Variants in CYFIP1 observed in about 807,000 individuals in gnomAD.
CYFIP1 encodes the protein cytoplasmic FMR1-interacting protein 1.
CYFIP1 carries 58 observed loss-of-function variants against 163.5 expected under a neutral mutation model. The ratio of observed to expected loss-of-function variants is 0.35; its 90% CI spans 0.29 to 0.44. The LOEUF (loss-of-function observed/expected upper bound fraction) is 0.44, where lower values mean the gene tolerates loss of function less well. CYFIP1 is among the 20% of genes least tolerant of loss of function. The pLI, the probability that CYFIP1 is intolerant of heterozygous loss-of-function variation, is 1.00. For synonymous variants in CYFIP1, 663 were observed against 660.7 expected, an observed-to-expected ratio of 1.00 and a Z score of -0.05; for missense variants, 1,338 against 1,653.8, an observed-to-expected ratio of 0.81 and a Z score of 3.31.
At chr15:22,972,324 C>G (rs969962983) in intron 1 of CYFIP1, among the ~76,000 whole-genome samples, 2 of 152,048 alleles carry the variant, frequency 1.3e-5, no homozygotes, top group African/African-American at 4.8e-5. Flanking sequence ...TAATCCCCAG[C>G]TACTCAGGAG....
In CYFIP1 at chr15:22,927,922, G is replaced by C. The variant is rs767405022; in HGVS notation, c.1217C>G (p.Ala406Gly). Residue 406 changes from alanine to glycine, a missense_variant, in exon 12 of 31, where the codon GCG becomes GGG. Physicochemically the swap from Ala to Gly is moderately conservative, Grantham distance 60. Transcript: ENST00000617928. ...GGGGCCTACCACTTCCATCACGTGC[G>C]CGCTCCACTGCGACAACAGCTGCAG... ...QGLQLLSQWS[A>G]HVMEVYSWKL... The C allele has an allele frequency of 6.2e-7, 1 of 1,606,124 alleles. No homozygotes were observed. The highest frequency in any genetic ancestry group is 1.1e-5 in the South Asian group (1 of 90,128).
Position 22,914,710 on chromosome 15 carries a change from C to T in CYFIP1, c.1985+16G>A, listed in dbSNP as rs745900546. 7.5e-6 allele frequency: 12 copies of T among 1,601,680 alleles called. No individual in the cohort carries two copies. The East Asian group carries it at 2.7e-4, about 36-fold the overall frequency. ...ACCACACACAAAGGCTGGAGACAGGCCCGCAGGACACGCACTCCATCATCG... is the reference window on the plus strand; with the variant it reads ...ACCACACACAAAGGCTGGAGACAGGTCCGCAGGACACGCACTCCATCATCG... On this transcript the variant is annotated intron_variant, in intron 17 of 30. Transcript: ENST00000617928.
rs1360099499 is a variant in CYFIP1 at position 22,925,347 on chromosome 15, GCAACTGACA to G, written c.1359+626_1359+634del. On this transcript the variant is annotated intron_variant, in intron 13 of 30. Transcript: ENST00000617928. ...ACAGAGTGGTGCTGGGATACCGACAGCAACTGACACTGGGTTAGAGCAGAGCAGAAACAC... is the reference window on the plus strand; with the variant it reads ...ACAGAGTGGTGCTGGGATACCGACAGCTGGGTTAGAGCAGAGCAGAAACAC... Among the ~76,000 whole-genome samples, 29 of 152,296 alleles carry G rather than the reference GCAACTGACA, an allele frequency of 1.9e-4. No homozygotes were observed. In the East Asian group the frequency reaches 5.6e-3, roughly 29 times the overall value.
intron 6 of CYFIP1, 53 bp from the exon 7 acceptor site, chr15:22,939,560 A>C: frequency 2.8e-6 from 2 of 715,188 alleles, no homozygotes; most frequent in Non-Finnish European, 2.1e-6. Context: ...CCACATTTAA[A>C]AAAAAAAAAA....
Position 22,882,856 on chromosome 15 carries a change from G to C in CYFIP1, c.2820+12C>G. 1 of 1,610,434 alleles carries C rather than the reference G, an allele frequency of 6.2e-7. No homozygotes were observed. The highest frequency in any genetic ancestry group is 8.5e-7 in the Non-Finnish European group (1 of 1,177,190). ...AGGCTGTGTGAAAGAAGCATGTCCA[G>C]GGAACACTCACCAGGCTCTTGACGA... On this transcript the variant is annotated intron_variant, in intron 24 of 30. Transcript: ENST00000617928.
At chr15:22,934,177 CTTTT>C (rs1163626431) in intron 9 of CYFIP1, among the ~76,000 whole-genome samples, 3 of 66,162 alleles carry the variant, frequency 4.5e-5, no homozygotes, top group African/African-American at 1.9e-4. Context: ...GCATTTCTTT[CTTTT>C]TTTTTTTTTT....
Position 22,887,250 on chromosome 15 carries a change from C to T in CYFIP1, c.2677-4239G>A, listed in dbSNP as rs2059949979. Among the ~76,000 whole-genome samples, 3 of 152,140 alleles carry T rather than the reference C, an allele frequency of 2.0e-5. 1 individual carries two copies. In the South Asian group the frequency reaches 6.2e-4, roughly 32 times the overall value. ...TCATGAGACCCCCCAAAACAAAGAG[C>T]CAAAACTGATTACAGTGACGAGATT... is the stretch of plus-strand genomic sequence containing the variant. On this transcript the variant is annotated intron_variant, in intron 23 of 30. Coordinates refer to ENST00000617928, the MANE Select transcript of CYFIP1 (RefSeq NM_014608.6).
intron 1 of CYFIP1, among the ~76,000 whole-genome samples, chr15:22,962,727 AG>A (rs1415211669): frequency 6.6e-6 from 1 of 152,086 alleles, no homozygotes; most frequent in Non-Finnish European, 1.5e-5. Flanking sequence ...ATTCTTAAAA[AG>A]CACCTTTCAG....
rs376762917 is a variant in CYFIP1, at chr15:22,918,864, G to C, written c.1360-6C>G. ...CCTTTGATCATGGCGATCACCTGCG[G>C]GGGACACAGCAACAGGGACGGCCCT... On this transcript the variant is annotated splice_region_variant and splice_polypyrimidine_tract_variant and intron_variant, in intron 13 of 30. Coordinates refer to ENST00000617928, the MANE Select transcript of CYFIP1 (RefSeq NM_014608.6). 9 of 1,590,748 alleles carry C rather than the reference G, an allele frequency of 5.7e-6. No individual in the cohort carries two copies. Among genetic ancestry groups the C allele is most frequent in the South Asian group, 1.1e-5 (1 of 87,346 alleles).
At chr15:22,951,459 G>A (rs2062246780) in intron 1 of CYFIP1, 1 of 1,289,292 alleles carries the variant, frequency 7.8e-7, no homozygotes, top group Admixed American at 2.3e-5. Flanking sequence ...GTCCACGCAG[G>A]CACCTCAGGG....
chr15:22,940,186 T>C (rs1452483734), intron 6 of CYFIP1, among the ~76,000 whole-genome samples: 1 of 152,178 alleles, frequency 6.6e-6, no homozygotes. Context: ...CACATAAGGA[T>C]AGGTCTGTGC....
intron 1 of CYFIP1, among the ~76,000 whole-genome samples, chr15:22,971,355 A>G (rs1412047922): frequency 3.3e-5 from 5 of 152,044 alleles, no homozygotes; most frequent in Non-Finnish European, 7.4e-5. Flanking sequence ...CCTGGGCAAC[A>G]CAGCTAGACC....
chr15:22,943,452 G>A lies in CYFIP1; in HGVS notation c.388-98C>T, dbSNP rs543425429. On this transcript the variant is annotated intron_variant, in intron 5 of 30. Transcript: ENST00000617928. ...ACCTGCAGTCACTGCTCCTCGATGA[G>A]AAACGATCTGCCCAGTGAGGCTCCA... The A allele has an allele frequency of 1.6e-5, 21 of 1,317,722 alleles. No individual in the cohort carries two copies. In the East Asian group the frequency reaches 4.9e-4, roughly 31 times the overall value. The allele number at this position is 1,317,722 out of a possible 1,614,324, so 81.6% of individuals were successfully genotyped here. A position where few individuals can be genotyped will look rare whatever the true frequency, so the allele number is the denominator to read the frequency against.
intron 9 of CYFIP1, among the ~76,000 whole-genome samples, chr15:22,935,887 C>A (rs376780253): frequency 9.3e-4 from 141 of 152,244 alleles, no homozygotes; most frequent in African/African-American, 3.2e-3. Flanking sequence ...ACATCATATA[C>A]CATAAACATA....
At chr15:22,878,361 G>C (rs1253741931) in intron 26 of CYFIP1, among the ~76,000 whole-genome samples, 1 of 152,128 alleles carries the variant, frequency 6.6e-6, no homozygotes, top group Admixed American at 6.5e-5. Flanking sequence ...AGCGAGATGT[G>C]GCAGAAAGCC....
intron 21 of CYFIP1, among the ~76,000 whole-genome samples, chr15:22,907,064 G>T (rs79005219): frequency 6.6e-6 from 1 of 152,018 alleles, no homozygotes; most frequent in Non-Finnish European, 1.5e-5. Context: ...GCTCCCCTCC[G>T]CCATGATCCT....
At chr15:22,916,745 G>GT (rs1566968507) in intron 15 of CYFIP1, 115 bp from the exon 16 acceptor site, 2 of 1,611,898 alleles carry the variant, frequency 1.2e-6, no homozygotes, top group Non-Finnish European at 1.7e-6. Flanking sequence ...GGTCGGGAGG[G>GT]CCCCGCACCA....
chr15:22,965,111 A>G (rs1325191608), intron 1 of CYFIP1, among the ~76,000 whole-genome samples: 1 of 152,060 alleles, frequency 6.6e-6, no homozygotes, highest in Non-Finnish European at 1.5e-5. Flanking sequence ...CAGGTAACCA[A>G]AAAGTGCTAG....
rs2061017615 is a variant in CYFIP1, at chr15:22,917,260, G to A, written c.1674+528C>T. On this transcript the variant is annotated intron_variant, in intron 15 of 30. Transcript: ENST00000617928. This position sits in a 1 kb window ranked among gnomAD's most constrained non-coding sequence, Gnocchi z 4.2. ...ATTAAAAGCCTCCGGCAGAGATGAG[G>A]GAGAAGACCAGCCCCAGGACGGAGG... The A allele has an allele frequency of 1.4e-6, 2 of 1,390,388 alleles. No individual in the cohort carries two copies. The highest frequency in any genetic ancestry group is 5.3e-5 in the East Asian group (2 of 37,882). The allele number at this position is 1,390,388 out of a possible 1,614,324, so 86.1% of individuals were successfully genotyped here.
Sources: allele counts gnomAD v4.1 joint callset (sites outside exome capture counted in the v4.1 genomes callset), GRCh38; gene constraint gnomAD v4.1.1; non-coding constraint Gnocchi (gnomAD v3.1); transcripts MANE v1.5; gene names NCBI Gene and HGNC (gene_info 2026-07-23, HGNC 2026-07-21).